The following DRC11 variants were observed in gnomAD, a reference collection of about 807,000 sequenced individuals.
DRC11 encodes the protein dynein regulatory complex subunit 11.
chr2:236,337,831 C>T, the DRC11 span, among the ~76,000 whole-genome samples: 19 of 151,766 alleles, frequency 1.3e-4, no homozygotes, highest in Admixed American at 2.6e-4. The surrounding 1 kb of genome is among the most constrained non-coding windows in gnomAD (Gnocchi z 4.9). Context: ...AAACCCAACC[C>T]GGTGAAAAGA....
the DRC11 span, among the ~76,000 whole-genome samples, chr2:236,366,550 G>A: frequency 2.6e-5 from 4 of 152,114 alleles, no homozygotes; most frequent in East Asian, 5.8e-4. Flanking sequence ...TCTGCTCTCC[G>A]GAGGACCTCA....
At chr2:236,467,890 T>A in the DRC11 span, among the ~76,000 whole-genome samples, 1 of 152,128 alleles carries the variant, frequency 6.6e-6, no homozygotes, top group African/African-American at 2.4e-5. Context: ...CACACACATA[T>A]ACACACACTC....
chr2:236,413,441 T>TA, the DRC11 span, among the ~76,000 whole-genome samples: 37 of 152,358 alleles, frequency 2.4e-4, no homozygotes, highest in South Asian at 7.7e-3. The surrounding 1 kb of genome is among the most constrained non-coding windows in gnomAD (Gnocchi z 4.0). Flanking sequence ...CCCTCATTCC[T>TA]GATAACTTCC....
At chr2:236,317,731 T>A in the DRC11 span, among the ~76,000 whole-genome samples, 1 of 152,186 alleles carries the variant, frequency 6.6e-6, no homozygotes, top group African/African-American at 2.4e-5. The surrounding 1 kb of genome is among the most constrained non-coding windows in gnomAD (Gnocchi z 5.4). Flanking sequence ...AAAGATTTAT[T>A]TCAATATAAG....
chr2:236,477,918 TTC>T, the DRC11 span, among the ~76,000 whole-genome samples: 2 of 152,228 alleles, frequency 1.3e-5, no homozygotes, highest in South Asian at 2.1e-4. Flanking sequence ...TATTTTGGTC[TTC>T]TCTCTTTTTT....
the DRC11 span, among the ~76,000 whole-genome samples, chr2:236,501,539 C>A: frequency 6.6e-6 from 1 of 152,018 alleles, no homozygotes; most frequent in Non-Finnish European, 1.5e-5. Context: ...CTGGAAGAAG[C>A]AAAGATGATT....
At chr2:236,504,431 G>A in the DRC11 span, among the ~76,000 whole-genome samples, 1 of 152,138 alleles carries the variant, frequency 6.6e-6, no homozygotes, top group Non-Finnish European at 1.5e-5. The surrounding 1 kb of genome is among the most constrained non-coding windows in gnomAD (Gnocchi z 5.0). Flanking sequence ...TTTCTGCGTG[G>A]AAATATGTCT....
the DRC11 span, among the ~76,000 whole-genome samples, chr2:236,474,419 T>C: frequency 1.3e-5 from 2 of 152,286 alleles, no homozygotes; most frequent in South Asian, 2.1e-4. Flanking sequence ...AGTAAGACTT[T>C]AGCATGAACA....
At chr2:236,345,694 G>A in the DRC11 span, among the ~76,000 whole-genome samples, 35 of 152,286 alleles carry the variant, frequency 2.3e-4, no homozygotes, top group African/African-American at 7.5e-4. Context: ...AATAATTGCT[G>A]TACACCTAAC....
the DRC11 span, chr2:236,331,451 G>A: frequency 6.2e-7 from 1 of 1,613,922 alleles, no homozygotes; most frequent in Non-Finnish European, 8.5e-7. This position sits in a 1 kb window ranked among gnomAD's most constrained non-coding sequence, Gnocchi z 4.8. Context: ...TGAATTTGCC[G>A]CCGGATTCTC....
At chr2:236,503,688 C>T in the DRC11 span, 5 of 1,550,866 alleles carry the variant, frequency 3.2e-6, no homozygotes, top group African/African-American at 2.7e-5. The surrounding 1 kb of genome is among the most constrained non-coding windows in gnomAD (Gnocchi z 4.9). Flanking sequence ...CCTCTTCCCT[C>T]GAGACTGTCT....
At chr2:236,447,389 GGAGA>G in the DRC11 span, among the ~76,000 whole-genome samples, 1 of 151,698 alleles carries the variant, frequency 6.6e-6, no homozygotes, top group East Asian at 1.9e-4. The surrounding 1 kb of genome is among the most constrained non-coding windows in gnomAD (Gnocchi z 4.6). Context: ...GAGCTGGCGA[GGAGA>G]GAGACCTGGA....
At chr2:236,381,594 C>T in the DRC11 span, among the ~76,000 whole-genome samples, 3 of 152,250 alleles carry the variant, frequency 2.0e-5, no homozygotes, top group Non-Finnish European at 2.9e-5. The surrounding 1 kb of genome is among the most constrained non-coding windows in gnomAD (Gnocchi z 5.8). Context: ...TCTCTGTTGG[C>T]ATCTAGCCCC....
At chr2:236,326,873 C>T in the DRC11 span, among the ~76,000 whole-genome samples, 1 of 150,306 alleles carries the variant, frequency 6.7e-6, no homozygotes, top group Admixed American at 6.7e-5. Context: ...GCACACATCA[C>T]CACACCTGGC....
At chr2:236,408,146 G>C in the DRC11 span, 1 of 687,914 alleles carries the variant, frequency 1.5e-6, no homozygotes, top group East Asian at 3.0e-5. This position sits in a 1 kb window ranked among gnomAD's most constrained non-coding sequence, Gnocchi z 5.5. Flanking sequence ...TTGTCAGGAA[G>C]GTCATGGTCA....
chr2:236,419,346 G>A, the DRC11 span: 1 of 1,482,982 alleles, frequency 6.7e-7, no homozygotes, highest in Non-Finnish European at 8.9e-7. The surrounding 1 kb of genome is among the most constrained non-coding windows in gnomAD (Gnocchi z 4.8). Flanking sequence ...CTGTCTGAAA[G>A]GAAGTTTTTG....
the DRC11 span, among the ~76,000 whole-genome samples, chr2:236,357,829 T>G: frequency 7.9e-6 from 1 of 125,910 alleles, no homozygotes; most frequent in Non-Finnish European, 1.5e-5. Flanking sequence ...AATATACATA[T>G]ACTATATAAA....
At chr2:236,492,038 C>G in the DRC11 span, among the ~76,000 whole-genome samples, 1 of 152,202 alleles carries the variant, frequency 6.6e-6, no homozygotes, top group Non-Finnish European at 1.5e-5. Context: ...ACTTCTTGCT[C>G]TCTTACTATG....
At chr2:236,407,713 G>C in the DRC11 span, 2 of 267,960 alleles carry the variant, frequency 7.5e-6, no homozygotes, top group East Asian at 2.0e-4. Context: ...TTTCCCCCCT[G>C]TGATCCTCTC....
Sources: gnomAD v4.1 joint callset for allele counts (sites outside exome capture counted in the v4.1 genomes callset) on GRCh38, gnomAD v4.1.1 for gene constraint, Gnocchi (gnomAD v3.1) non-coding constraint, MANE v1.5 for transcripts, NCBI Gene and HGNC (gene_info 2026-07-23, HGNC 2026-07-21) for gene names.